Variants in SPRYD4 observed in about 807,000 individuals in gnomAD.
The protein encoded by SPRYD4 is SPRY domain-containing protein 4.
Under a neutral mutation model 16.6 loss-of-function variants are expected in SPRYD4, and 12 were observed. The observed-to-expected ratio is 0.72, with a 90% CI of 0.46 to 1.17. SPRYD4 has a LOEUF of 1.17. Among genes scored for constraint, SPRYD4 ranks in the 50% most tolerant of loss-of-function variants. SPRYD4 has a pLI of 0.00. For missense variants in SPRYD4, 260 were observed against 260.2 expected, an observed-to-expected ratio of 1.00 and a Z score of 0.00; for synonymous variants, 98 against 105.4, an observed-to-expected ratio of 0.93 and a Z score of 0.43.
chr12:56,478,231 G>T lies in SPRYD4; in HGVS notation c.*8654G>T. On this transcript the variant is annotated 3_prime_UTR_variant, in exon 2 of 2. Coordinates refer to ENST00000338146, the MANE Select transcript of SPRYD4 (RefSeq NM_207344.4). ...GGAGACACCCCACAGGTCTGGGTTT[G>T]ACTTGGCCAGCTGAGGGATGTAGGC... 6.2e-7 allele frequency: 1 copy of T among 1,614,252 alleles called. No homozygotes were observed. The highest frequency in any genetic ancestry group is 1.1e-5 in the South Asian group (1 of 91,070).
Position 56,479,685 on chromosome 12 carries a change from T to C in SPRYD4, c.*10108T>C. 1 of 1,353,856 alleles carries C rather than the reference T, an allele frequency of 7.4e-7. No individual in the cohort carries two copies. The highest frequency in any genetic ancestry group is 2.5e-5 in the East Asian group (1 of 40,236). The allele number at this position is 1,353,856 out of a possible 1,614,324, so 83.9% of individuals were successfully genotyped here. On this transcript the variant is annotated 3_prime_UTR_variant, in exon 2 of 2. Transcript: ENST00000338146. ...TAAGTAATAAAATAAAATGAGGAAT[T>C]GAACTATACAATTCCCAAATTCCTC...
In SPRYD4 at chr12:56,471,680, G is replaced by C. The variant is rs371114386; in HGVS notation, c.*2103G>C. ...AATGATATGATCAGGCAAAGGAGAC[G>C]TGGAGAGTGGTGGTTGTATATATTT... is the stretch of plus-strand genomic sequence containing the variant. On this transcript the variant is annotated 3_prime_UTR_variant, in exon 2 of 2. Transcript: ENST00000338146. The C allele has an allele frequency of 2.5e-6, 4 of 1,612,664 alleles. No individual in the cohort carries two copies. The highest frequency in any genetic ancestry group is 3.4e-6 in the Non-Finnish European group (4 of 1,178,694).
At position 56,472,361 on chromosome 12, in the gene SPRYD4, T is replaced by TA. The variant is rs1480367869; in HGVS notation, c.*2785dup. 1 of 631,326 alleles carries TA rather than the reference T, an allele frequency of 1.6e-6. No individual in the cohort carries two copies. The highest frequency in any genetic ancestry group is 2.7e-5 in the East Asian group (1 of 36,648). 39.1% of individuals were successfully genotyped at this position (631,326 alleles called of 1,614,324 possible). On this transcript the variant is annotated 3_prime_UTR_variant, in exon 2 of 2. Coordinates refer to ENST00000338146, the MANE Select transcript of SPRYD4 (RefSeq NM_207344.4). The stretch of plus-strand genomic sequence containing the variant: ...TTTTTCCATATCCAGATGAGACTGT[T>TA]ATACTCATATTAGAGAGATGGGAAT...
Position 56,473,265 on chromosome 12 carries a change from C to T in SPRYD4, c.*3688C>T, listed in dbSNP as rs771248266. The T allele has an allele frequency of 2.2e-5, 35 of 1,613,998 alleles. No individual in the cohort carries two copies. Among genetic ancestry groups the T allele is most frequent in the African/African-American group, 8.0e-5 (6 of 74,906 alleles). On this transcript the variant is annotated 3_prime_UTR_variant, in exon 2 of 2. Coordinates refer to ENST00000338146, the MANE Select transcript of SPRYD4 (RefSeq NM_207344.4). ...CCCTTCACGCCGTGGGTCTAACTTC[C>T]GAGCACAGTGCCTCAGGTTGTCATA... is the stretch of plus-strand genomic sequence containing the variant.
At position 56,477,658 on chromosome 12, in the gene SPRYD4, A is replaced by G; in HGVS notation, c.*8081A>G. Reference sequence around the variant, plus strand: ...CTATCAGAAGGTTAAGGTGGCACTGACCTTGATCAGGGAGCTGACAACAAT... The same window carrying G: ...CTATCAGAAGGTTAAGGTGGCACTGGCCTTGATCAGGGAGCTGACAACAAT... On this transcript the variant is annotated 3_prime_UTR_variant, in exon 2 of 2. Coordinates refer to ENST00000338146, the MANE Select transcript of SPRYD4 (RefSeq NM_207344.4). The G allele has an allele frequency of 6.2e-7, 1 of 1,613,194 alleles. No homozygotes were observed. Among genetic ancestry groups the G allele is most frequent in the Non-Finnish European group, 8.5e-7 (1 of 1,179,612 alleles).
Position 56,479,530 on chromosome 12 carries a change from G to A in SPRYD4, c.*9953G>A, listed in dbSNP as rs1870116148. ...TCAGTACATAGGACATTATCTAGAAGATACCCACTAATCTGCTAATATTTA... is the reference window on the plus strand; with the variant it reads ...TCAGTACATAGGACATTATCTAGAAAATACCCACTAATCTGCTAATATTTA... On this transcript the variant is annotated 3_prime_UTR_variant, in exon 2 of 2. Transcript: ENST00000338146. The A allele has an allele frequency of 2.3e-6, 1 of 426,524 alleles. No individual in the cohort carries two copies. Among genetic ancestry groups the A allele is most frequent in the Admixed American group, 4.0e-5 (1 of 25,192 alleles). 26.4% of individuals were successfully genotyped at this position (426,524 alleles called of 1,614,324 possible).
Position 56,479,016 on chromosome 12 carries a change from G to C in SPRYD4, c.*9439G>C. 1 of 1,572,144 alleles carries C rather than the reference G, an allele frequency of 6.4e-7. No homozygotes were observed. The highest frequency in any genetic ancestry group is 8.6e-7 in the Non-Finnish European group (1 of 1,164,832). Reference sequence around the variant, plus strand: ...AAAAAAAAAAAAAAAATCTGGCCCAGGTCCCTGACCCCTCCCTTAGTCCCC... The same window carrying C: ...AAAAAAAAAAAAAAAATCTGGCCCACGTCCCTGACCCCTCCCTTAGTCCCC... On this transcript the variant is annotated 3_prime_UTR_variant, in exon 2 of 2. Transcript: ENST00000338146.
In SPRYD4 at chr12:56,471,554, A is replaced by T. The variant is rs2657879; in HGVS notation, c.*1977A>T. ...TGCTGCCTCAGCCTGAGTTTCAGAG[A>T]GTGTGTAGGAGTCCTGGTAATCTTG... On this transcript the variant is annotated 3_prime_UTR_variant, in exon 2 of 2. Transcript: ENST00000338146. The T allele has an allele frequency of 1.2e-6, 2 of 1,613,808 alleles. No individual in the cohort carries two copies. Among genetic ancestry groups the T allele is most frequent in the Non-Finnish European group, 1.7e-6 (2 of 1,179,942 alleles).
At position 56,473,329 on chromosome 12, in the gene SPRYD4, G is replaced by C. The variant is rs1869482880; in HGVS notation, c.*3752G>C. On this transcript the variant is annotated 3_prime_UTR_variant, in exon 2 of 2. Coordinates refer to ENST00000338146, the MANE Select transcript of SPRYD4 (RefSeq NM_207344.4). ...AAGAGAGACACCAACTTCTAGAATTGTAAGCCAAATATATTGTTTATTTAC... is the reference window on the plus strand; with the variant it reads ...AAGAGAGACACCAACTTCTAGAATTCTAAGCCAAATATATTGTTTATTTAC... 6.2e-7 allele frequency: 1 copy of C among 1,613,852 alleles called. No homozygotes were observed. Among genetic ancestry groups the C allele is most frequent in the Non-Finnish European group, 8.5e-7 (1 of 1,179,916 alleles).
chr12:56,473,680 T>A lies in SPRYD4; in HGVS notation c.*4103T>A, dbSNP rs1869519039. On this transcript the variant is annotated 3_prime_UTR_variant, in exon 2 of 2. Transcript: ENST00000338146. ...AGTTAGGCTGTACTCTTAACAAGTT[T>A]ACAAATGACTGCATGACCACAATCC... 1 of 1,483,106 alleles carries A rather than the reference T, an allele frequency of 6.7e-7. No individual in the cohort carries two copies. Among genetic ancestry groups the A allele is most frequent in the African/African-American group, 1.4e-5 (1 of 71,508 alleles). The allele number at this position is 1,483,106 out of a possible 1,614,324, so 91.9% of individuals were successfully genotyped here.
chr12:56,476,157 TTC>T lies in SPRYD4; in HGVS notation c.*6584_*6585del. 1.8e-6 allele frequency: 1 copy of T among 545,110 alleles called. No individual in the cohort carries two copies. The highest frequency in any genetic ancestry group is 3.2e-6 in the Non-Finnish European group (1 of 313,338). 33.8% of individuals were successfully genotyped at this position (545,110 alleles called of 1,614,324 possible). On this transcript the variant is annotated 3_prime_UTR_variant, in exon 2 of 2. Coordinates refer to ENST00000338146, the MANE Select transcript of SPRYD4 (RefSeq NM_207344.4). ...ACCGCACTTCCATTGGCTCCTCTCT[TTC>T]TCTTTCTTTTTTTTGAGACAGTCTT...
At position 56,473,288 on chromosome 12, in the gene SPRYD4, A is replaced by G; in HGVS notation, c.*3711A>G. The G allele has an allele frequency of 6.2e-7, 1 of 1,614,152 alleles. No homozygotes were observed. Among genetic ancestry groups the G allele is most frequent in the Non-Finnish European group, 8.5e-7 (1 of 1,180,024 alleles). ...TCCGAGCACAGTGCCTCAGGTTGTC[A>G]TAGTTGTGGAAATTGAAGAGAGACA... On this transcript the variant is annotated 3_prime_UTR_variant, in exon 2 of 2. Transcript: ENST00000338146.
rs1224006182 is a variant in SPRYD4 at position 56,475,382 on chromosome 12, G to C, written c.*5805G>C. On this transcript the variant is annotated 3_prime_UTR_variant, in exon 2 of 2. Transcript: ENST00000338146. ...TTTTTGGCTTTGAAAGTCTTGGCAA[G>C]AAAGGGCTTAGGCACAAACCATCAC... The C allele has an allele frequency of 1.2e-6, 1 of 827,960 alleles. No homozygotes were observed. The highest frequency in any genetic ancestry group is 2.7e-5 in the East Asian group (1 of 37,468). 51.3% of individuals were successfully genotyped at this position (827,960 alleles called of 1,614,324 possible).
In SPRYD4 at chr12:56,476,104, A is replaced by G; in HGVS notation, c.*6527A>G. On this transcript the variant is annotated 3_prime_UTR_variant, in exon 2 of 2. Coordinates refer to ENST00000338146, the MANE Select transcript of SPRYD4 (RefSeq NM_207344.4). ...TGCTGCAAATGTGTTCAATTTTATA[A>G]TGGCCCTTTTTTTATCCTTCTGAAA... 1 of 829,614 alleles carries G rather than the reference A, an allele frequency of 1.2e-6. No individual in the cohort carries two copies. 51.4% of individuals were successfully genotyped at this position (829,614 alleles called of 1,614,324 possible). A position where few individuals can be genotyped will look rare whatever the true frequency, so the allele number is the denominator to read the frequency against.
rs1869280294 is a variant in SPRYD4, at chr12:56,471,701, T to C, written c.*2124T>C. 3.7e-6 allele frequency: 6 copies of C among 1,612,114 alleles called. 1 individual carries two copies. The South Asian group carries it at 6.6e-5, about 18-fold the overall frequency. ...AGACGTGGAGAGTGGTGGTTGTATATATTTGCATGGTGGCTGGAGGGTAGG... is the reference window on the plus strand; with the variant it reads ...AGACGTGGAGAGTGGTGGTTGTATACATTTGCATGGTGGCTGGAGGGTAGG... On this transcript the variant is annotated 3_prime_UTR_variant, in exon 2 of 2. Coordinates refer to ENST00000338146, the MANE Select transcript of SPRYD4 (RefSeq NM_207344.4).
rs1348861836 is a variant in SPRYD4, at chr12:56,472,180, G to C, written c.*2603G>C. The C allele has an allele frequency of 1.9e-6, 3 of 1,614,162 alleles. No individual in the cohort carries two copies. Among genetic ancestry groups the C allele is most frequent in the Non-Finnish European group, 1.7e-6 (2 of 1,180,032 alleles). Reference sequence around the variant, plus strand: ...CATAGTCTTTCTGTTCCATATCCATGGCTGACAAGGCAAACCTGAGGGTAG... The same window carrying C: ...CATAGTCTTTCTGTTCCATATCCATCGCTGACAAGGCAAACCTGAGGGTAG... On this transcript the variant is annotated 3_prime_UTR_variant, in exon 2 of 2. Transcript: ENST00000338146.
At position 56,473,975 on chromosome 12, in the gene SPRYD4, G is replaced by T; in HGVS notation, c.*4398G>T. ...AGGTAGAGGGGGGCCACATGAGATA[G>T]GGTGGTCAGAAAAGTCTTTCTTTGG... On this transcript the variant is annotated 3_prime_UTR_variant, in exon 2 of 2. Coordinates refer to ENST00000338146, the MANE Select transcript of SPRYD4 (RefSeq NM_207344.4). The T allele has an allele frequency of 5.4e-6, 1 of 185,722 alleles. No individual in the cohort carries two copies. The highest frequency in any genetic ancestry group is 1.1e-5 in the Non-Finnish European group (1 of 89,032). 11.5% of individuals were successfully genotyped at this position (185,722 alleles called of 1,614,324 possible).
In SPRYD4 at chr12:56,474,543, C is replaced by T. The variant is rs1469719484; in HGVS notation, c.*4966C>T. 5 of 1,613,754 alleles carry T rather than the reference C, an allele frequency of 3.1e-6. No individual in the cohort carries two copies. The highest frequency in any genetic ancestry group is 1.7e-5 in the Admixed American group (1 of 60,022). ...GATGGATAGCAGAGCCAGAAACTCACGTGGAAGGCAAACTGGCCAGAGAAG... is the reference window on the plus strand; with the variant it reads ...GATGGATAGCAGAGCCAGAAACTCATGTGGAAGGCAAACTGGCCAGAGAAG... On this transcript the variant is annotated 3_prime_UTR_variant, in exon 2 of 2. Transcript: ENST00000338146.
chr12:56,475,574 A>G lies in SPRYD4; in HGVS notation c.*5997A>G. ...TTCCTCTTGTCCCCATCCTAAGTAC[A>G]CACACATACACCACAATGCTTTCAG... is the stretch of plus-strand genomic sequence containing the variant. On this transcript the variant is annotated 3_prime_UTR_variant, in exon 2 of 2. Transcript: ENST00000338146. The G allele has an allele frequency of 6.3e-7, 1 of 1,575,798 alleles. No homozygotes were observed. The highest frequency in any genetic ancestry group is 8.7e-7 in the Non-Finnish European group (1 of 1,146,386).
Sources: allele counts gnomAD v4.1 joint callset, GRCh38; gene constraint gnomAD v4.1.1; transcripts MANE v1.5; gene names NCBI Gene and HGNC (gene_info 2026-07-23, HGNC 2026-07-21).